The following ATP2A2 variants were observed in gnomAD, a reference collection of about 807,000 sequenced individuals.
The protein encoded by ATP2A2 is ATPase sarcoplasmic/endoplasmic reticulum Ca2+ transporting 2, also known as sarcoplasmic/endoplasmic reticulum calcium ATPase 2.
ATP2A2 carries 14 observed loss-of-function variants against 109.3 expected under a neutral mutation model. The observed-to-expected ratio is 0.13, with a 90% CI of 0.08 to 0.20. ATP2A2 has a LOEUF of 0.20. Among genes scored for constraint, ATP2A2 ranks in the 10% least tolerant of loss-of-function variants. The pLI is 1.00. For synonymous variants in ATP2A2, 506 were observed against 490.9 expected (o/e 1.03, Z -0.41); for missense variants, 657 against 1,321.6 (o/e 0.50, Z 7.80).
chr12:110,302,066 A>AT (rs1306329821), intron 5 of ATP2A2, among the ~76,000 whole-genome samples: 4 of 152,208 alleles, frequency 2.6e-5, no homozygotes, highest in African/African-American at 7.2e-5. Flanking sequence ...TGTTTGATCT[A>AT]TAGTGTATGT....
chr12:110,326,364 T>TTTTTTC, intron 6 of ATP2A2, 26 bp from the exon 7 acceptor site: 1 of 1,603,750 alleles, frequency 6.2e-7, no homozygotes, highest in Non-Finnish European at 8.5e-7. Flanking sequence ...CAGAGATCTG[T>TTTTTTC]TTTTTCTGTC....
chr12:110,281,077 G>A (rs1466208998), upstream of ATP2A2: 1 of 150,728 alleles, frequency 6.6e-6, no homozygotes, highest in East Asian at 1.9e-4. Flanking sequence ...GCGGCGCGCG[G>A]GAGGGGGCGG....
chr12:110,311,734 A>T (rs1415114625), intron 5 of ATP2A2, among the ~76,000 whole-genome samples: 11 of 51,898 alleles, frequency 2.1e-4, no homozygotes, highest in Non-Finnish European at 3.4e-4. Flanking sequence ...GAATTGTTTA[A>T]AAAAAAAAAA....
At position 110,347,917 on chromosome 12, in the gene ATP2A2, C is replaced by G. The variant is rs955652595; in HGVS notation, c.*1447C>G. 1 of 989,196 alleles carries G rather than the reference C, an allele frequency of 1.0e-6. No individual in the cohort carries two copies. The highest frequency in any genetic ancestry group is 1.2e-6 in the Non-Finnish European group (1 of 832,378). The allele number at this position is 989,196 out of a possible 1,614,324, so 61.3% of individuals were successfully genotyped here. A position where few individuals can be genotyped will look rare whatever the true frequency, so the allele number is the denominator to read the frequency against. ...AGATGCTGCTGTGCTCCCTGATGCC[C>G]TGTGAGCACCGGGGTTGCCTGTGGC... On this transcript the variant is annotated 3_prime_UTR_variant, in exon 20 of 20. Transcript: ENST00000539276.
chr12:110,280,937 CTG>C (rs1261304202), upstream of ATP2A2: 2 of 152,428 alleles, frequency 1.3e-5, no homozygotes, highest in East Asian at 3.9e-4. Flanking sequence ...AGCGTGCCCA[CTG>C]TGAGCGCCCC....
intron 5 of ATP2A2, among the ~76,000 whole-genome samples, chr12:110,312,760 G>C (rs1287485856): frequency 6.7e-6 from 1 of 148,598 alleles, no homozygotes; most frequent in Non-Finnish European, 1.5e-5. Context: ...TGAGGCACGA[G>C]AATCGCCTAA....
chr12:110,295,806 T>G (rs1873906728), intron 4 of ATP2A2, among the ~76,000 whole-genome samples: 1 of 152,220 alleles, frequency 6.6e-6, no homozygotes. Flanking sequence ...ATATATAGCT[T>G]GGGACTGGCA....
Position 110,323,056 on chromosome 12 carries a change from C to T in ATP2A2, c.528C>T (p.Asp176=). The T allele has an allele frequency of 6.2e-7, 1 of 1,608,814 alleles. No homozygotes were observed. The highest frequency in any genetic ancestry group is 8.5e-7 in the Non-Finnish European group (1 of 1,175,292). Residue 176 remains aspartate (D), a synonymous_variant, in exon 6 of 20, where the codon GAC becomes GAT. Transcript: ENST00000539276. ...TCAAATCTACCACACTAAGAGTTGA[C>T]CAGTCAATTCTCACAGGTAAATATG... ...TSIKSTTLRV[D]QSILTGESVS...
In ATP2A2 at chr12:110,339,829, G is replaced by T; in HGVS notation, c.1761+108G>T. 1.6e-6 allele frequency: 2 copies of T among 1,255,892 alleles called. No homozygotes were observed. The highest frequency in any genetic ancestry group is 2.3e-6 in the Non-Finnish European group (2 of 880,666). The allele number at this position is 1,255,892 out of a possible 1,614,324, so 77.8% of individuals were successfully genotyped here. On this transcript the variant is annotated intron_variant, in intron 13 of 19. Coordinates refer to ENST00000539276, the MANE Select transcript of ATP2A2 (RefSeq NM_170665.4). The surrounding 1 kb of genome is among the most constrained non-coding windows in gnomAD (Gnocchi z 4.4). ...CAGTTCTCACTTTTGCCAAGAAAGA[G>T]GTGTGGTTATTTGTTTTTCTGCCTG...
In ATP2A2 at chr12:110,348,363, A is replaced by G. The variant is rs1441552876; in HGVS notation, c.*1893A>G. The G allele has an allele frequency of 1.0e-5, 10 of 985,228 alleles. No homozygotes were observed. Among genetic ancestry groups the G allele is most frequent in the African/African-American group, 1.7e-5 (1 of 57,190 alleles). 61.0% of individuals were successfully genotyped at this position (985,228 alleles called of 1,614,324 possible). On this transcript the variant is annotated 3_prime_UTR_variant, in exon 20 of 20. Coordinates refer to ENST00000539276, the MANE Select transcript of ATP2A2 (RefSeq NM_170665.4). ...TAGGACGTGGCTCTGCACAGCCCAA[A>G]AACCAGCTTACTCCTTAGCCAGGGT...
chr12:110,318,918 T>C (rs1487200895), intron 5 of ATP2A2, among the ~76,000 whole-genome samples: 1 of 152,230 alleles, frequency 6.6e-6, no homozygotes, highest in Non-Finnish European at 1.5e-5. Flanking sequence ...TTCGAGTTGG[T>C]GTGCCTGATA....
intron 18 of ATP2A2, 62 bp from the exon 19 acceptor site, chr12:110,345,939 C>T (rs1173100037): frequency 1.3e-6 from 2 of 1,501,926 alleles, no homozygotes; most frequent in African/African-American, 1.4e-5. Context: ...CAGGGTCTTA[C>T]TGCCACTGTG....
chr12:110,346,977 G>C lies in ATP2A2; in HGVS notation c.*507G>C. The C allele has an allele frequency of 4.5e-6, 5 of 1,101,478 alleles. No individual in the cohort carries two copies. In the South Asian group the frequency reaches 7.3e-5, roughly 16 times the overall value. 68.2% of individuals were successfully genotyped at this position (1,101,478 alleles called of 1,614,324 possible). On this transcript the variant is annotated 3_prime_UTR_variant, in exon 20 of 20. Transcript: ENST00000539276. The stretch of plus-strand genomic sequence containing the variant: ...GAGTCTTGCTACCTCAGTCAGTATT[G>C]TTTTGGTTTGCTACTTCCCTCACCC...
chr12:110,315,892 TCAC>T (rs1876613243), intron 5 of ATP2A2, among the ~76,000 whole-genome samples: 2 of 152,106 alleles, frequency 1.3e-5, no homozygotes, highest in East Asian at 3.8e-4. Flanking sequence ...TGAGCTGAGA[TCAC>T]GCCACTGTGC....
chr12:110,334,592 T>C (rs1015307435), intron 11 of ATP2A2, among the ~76,000 whole-genome samples: 1 of 146,650 alleles, frequency 6.8e-6, no homozygotes, highest in Non-Finnish European at 1.5e-5. Flanking sequence ...AAACCTTTTT[T>C]TTTTTTTTTT....
chr12:110,298,460 C>T (rs1027591223), intron 5 of ATP2A2, among the ~76,000 whole-genome samples: 2 of 152,172 alleles, frequency 1.3e-5, no homozygotes, highest in African/African-American at 4.8e-5. Context: ...TGGCTCATGC[C>T]TGTAATCCCA....
intron 1 of ATP2A2, among the ~76,000 whole-genome samples, chr12:110,282,153 A>G (rs1282289248): frequency 6.6e-6 from 1 of 152,064 alleles, no homozygotes; most frequent in Admixed American, 6.5e-5. Flanking sequence ...GCTTCTCTCC[A>G]GCAGCAGCCG....
At chr12:110,304,279 AT>A (rs747673713) in intron 5 of ATP2A2, among the ~76,000 whole-genome samples, 4 of 152,086 alleles carry the variant, frequency 2.6e-5, no homozygotes, top group Admixed American at 6.6e-5. Flanking sequence ...TGAACATAAC[AT>A]TTTCTCTCTG....
At position 110,346,314 on chromosome 12, in the gene ATP2A2, G is replaced by C; in HGVS notation, c.2973G>C (p.Leu991=). The change falls in exon 20 of 20, where the codon CTG becomes CTC. Residue 991 remains leucine (L), a synonymous_variant. Coordinates refer to ENST00000539276, the MANE Select transcript of ATP2A2 (RefSeq NM_170665.4). ...ETLKFVARNY[L]EPGKECVQPA... is the part of the protein sequence containing the mutation. The stretch of plus-strand genomic sequence containing the variant: ...TCAAGTTTGTGGCCCGCAACTACCT[G>C]GAACCTGGTAAAGAGTGTGTGCAGC... 1.2e-6 allele frequency: 2 copies of C among 1,614,140 alleles called. No homozygotes were observed.
Sources: gnomAD v4.1 joint callset for allele counts (sites outside exome capture counted in the v4.1 genomes callset) on GRCh38, gnomAD v4.1.1 for gene constraint, Gnocchi (gnomAD v3.1) non-coding constraint, MANE v1.5 for transcripts, NCBI Gene and HGNC (gene_info 2026-07-23, HGNC 2026-07-21) for gene names.